Variants in IQSEC1 observed in about 807,000 individuals in gnomAD.
The protein encoded by IQSEC1 is IQ motif and SEC7 domain-containing protein 1.
IQSEC1 carries 31 observed loss-of-function variants against 91.0 expected under a neutral mutation model. The observed-to-expected ratio is 0.34, with a 90% CI of 0.26 to 0.46. IQSEC1 has a LOEUF of 0.46. Among genes scored for constraint, IQSEC1 ranks in the 20% least tolerant of loss-of-function variants. The pLI, the probability that IQSEC1 is intolerant of heterozygous loss-of-function variation, is 1.00. For synonymous variants in IQSEC1, 699 were observed against 662.6 expected, an observed-to-expected ratio of 1.05 and a Z score of -0.84; for missense variants, 1,388 against 1,575.6, an observed-to-expected ratio of 0.88 and a Z score of 2.02.
chr3:13,150,440 C>G (rs1326690826), intron 2 of IQSEC1, among the ~76,000 whole-genome samples: 1 of 152,196 alleles, frequency 6.6e-6, no homozygotes. Flanking sequence ...GTTCCAAACC[C>G]ATCTTTCTAG....
In IQSEC1 at chr3:13,181,076, C is replaced by G. The variant is rs556931702; in HGVS notation, c.273-16943G>C. On this transcript the variant is annotated intron_variant, in intron 1 of 15. Coordinates refer to the IQSEC1 transcript ENST00000648114. ...CATGAGGTCAGGAGATTCAGACCAT[C>G]GTGGCTAACGCGGTGAAACCCCGTC... Among the ~76,000 whole-genome samples the G allele has an allele frequency of 5.1e-4, 78 of 152,096 alleles. 1 individual carries two copies. The highest frequency in any genetic ancestry group is 2.0e-4 in the Admixed American group (3 of 15,264).
intron 1 of IQSEC1, among the ~76,000 whole-genome samples, chr3:13,017,706 G>T (rs951443194): frequency 6.6e-6 from 1 of 152,186 alleles, no homozygotes; most frequent in Non-Finnish European, 1.5e-5. Context: ...TGCAGGGAGA[G>T]GGGGCGGCAG....
chr3:13,260,314 C>G (rs1049794839), intron 1 of IQSEC1, among the ~76,000 whole-genome samples: 1 of 152,224 alleles, frequency 6.6e-6, no homozygotes, highest in Non-Finnish European at 1.5e-5. Flanking sequence ...GGTTGCCTAA[C>G]TCCCAGGTTG....
In IQSEC1 at chr3:12,936,251, C is replaced by T. The variant is rs757391961; in HGVS notation, c.765G>A (p.Pro255=). 25 of 1,613,266 alleles carry T rather than the reference C, an allele frequency of 1.5e-5. No individual in the cohort carries two copies. Among genetic ancestry groups the T allele is most frequent in the South Asian group, 2.2e-5 (2 of 91,070 alleles). Residue 255 remains proline (P), a synonymous_variant, in exon 3 of 14, where the codon CCG becomes CCA. Transcript: ENST00000613206. ...CCCGGGCCCGCGCCGCATCCAGGGC[C>T]GGTGCCTCCTCAGTGTGCAGGCTGC... ...NCRSLHTEEA[P]ALDAARARDT...
chr3:12,948,050 T>G (rs1388311144), intron 1 of IQSEC1, among the ~76,000 whole-genome samples: 1 of 152,226 alleles, frequency 6.6e-6, no homozygotes, highest in East Asian at 1.9e-4. Flanking sequence ...CTGGGTGGAA[T>G]TCTAGCTCTA....
intron 1 of IQSEC1, among the ~76,000 whole-genome samples, chr3:13,062,126 G>A (rs370391152): frequency 4.6e-5 from 7 of 152,280 alleles, no homozygotes; most frequent in South Asian, 4.1e-4. Flanking sequence ...CAGTAATCAC[G>A]GAAATCCCTT....
intron 1 of IQSEC1, among the ~76,000 whole-genome samples, chr3:13,020,804 G>C (rs754560445): frequency 1.7e-4 from 26 of 152,194 alleles, no homozygotes; most frequent in Non-Finnish European, 3.7e-4. Context: ...GAGTAGCTGG[G>C]ACTAGAGACA....
intron 2 of IQSEC1, among the ~76,000 whole-genome samples, chr3:13,093,434 T>C (rs1705901769): frequency 6.6e-6 from 1 of 152,066 alleles, no homozygotes; most frequent in South Asian, 2.1e-4. Flanking sequence ...GGGAGACCAT[T>C]AGGAAGCTTC....
intron 2 of IQSEC1, among the ~76,000 whole-genome samples, chr3:13,150,954 C>T (rs1318455093): frequency 6.6e-6 from 1 of 152,220 alleles, no homozygotes; most frequent in Non-Finnish European, 1.5e-5. Context: ...GGCCAGGGAG[C>T]TCTTCTCCCT....
rs575977245 is a variant in IQSEC1, at chr3:12,951,802, G to A, written c.24-9937C>T. Among the ~76,000 whole-genome samples the A allele has an allele frequency of 2.6e-4, 39 of 152,232 alleles. No individual in the cohort carries two copies. In the South Asian group the frequency reaches 5.6e-3, roughly 22 times the overall value. Reference sequence around the variant, plus strand: ...GGTGGTGAGGAGGAGGGGTGAGGTCGCAGCACCCCCAGTGGAAACCTAGGG... The same window carrying A: ...GGTGGTGAGGAGGAGGGGTGAGGTCACAGCACCCCCAGTGGAAACCTAGGG... On this transcript the variant is annotated intron_variant, in intron 1 of 13. Transcript: ENST00000613206.
At chr3:13,109,978 G>T (rs928464457) in intron 2 of IQSEC1, among the ~76,000 whole-genome samples, 1 of 150,620 alleles carries the variant, frequency 6.6e-6, no homozygotes, top group Non-Finnish European at 1.5e-5. Flanking sequence ...CACCTCCCAG[G>T]TTCAAGCGAT....
At chr3:12,941,023 G>A (rs543128353) in intron 2 of IQSEC1, among the ~76,000 whole-genome samples, 1 of 152,346 alleles carries the variant, frequency 6.6e-6, no homozygotes, top group South Asian at 2.1e-4. Flanking sequence ...AGTCTTCAAT[G>A]AGGGGATTTC....
At chr3:13,267,986 C>G (rs563114583) in intron 1 of IQSEC1, among the ~76,000 whole-genome samples, 14 of 152,366 alleles carry the variant, frequency 9.2e-5, no homozygotes, top group African/African-American at 3.1e-4. Context: ...GATCCACCCA[C>G]ATCCTCAGTC....
chr3:13,012,957 G>A (rs1702951095), intron 1 of IQSEC1, among the ~76,000 whole-genome samples: 1 of 57,822 alleles, frequency 1.7e-5, no homozygotes, highest in Admixed American at 1.4e-4. Context: ...TCCCATGAAA[G>A]TCTGGGCTTT....
At chr3:12,945,496 T>G (rs897131089) in intron 1 of IQSEC1, among the ~76,000 whole-genome samples, 5 of 145,838 alleles carry the variant, frequency 3.4e-5, no homozygotes, top group Non-Finnish European at 7.5e-5. Flanking sequence ...TTGAATAGCA[T>G]CAGCTTGTGC....
intron 1 of IQSEC1, among the ~76,000 whole-genome samples, chr3:13,181,287 A>T (rs1475026997): frequency 6.6e-6 from 1 of 150,808 alleles, no homozygotes; most frequent in Non-Finnish European, 1.5e-5. Context: ...ACAAACAAAC[A>T]AACAAACAAA....
In IQSEC1 at chr3:12,940,724, C is replaced by T. The variant is rs73027101; in HGVS notation, c.318+847G>A. On this transcript the variant is annotated intron_variant, in intron 2 of 13. Coordinates refer to ENST00000613206, the MANE Select transcript of IQSEC1 (RefSeq NM_001134382.3). This position sits in a 1 kb window ranked among gnomAD's most constrained non-coding sequence, Gnocchi z 4.4. ...TCTCTTGAAGCCTCAAACTGCTAAG[C>T]GGCTTGTCCATGCACTGGCCCACTC... 0.033 allele frequency among the ~76,000 whole-genome samples: 5,051 copies of T among 152,274 alleles called. 112 individuals carry two copies. The highest frequency in any genetic ancestry group is 0.054 in the Non-Finnish European group (3,683 of 67,994).
chr3:13,258,970 C>T (rs1695336933), intron 1 of IQSEC1, among the ~76,000 whole-genome samples: 1 of 152,212 alleles, frequency 6.6e-6, no homozygotes, highest in Non-Finnish European at 1.5e-5. Context: ...CCATCCCCTT[C>T]CCTGGCCCAA....
chr3:13,078,838 G>C (rs1705603218), intron 2 of IQSEC1, among the ~76,000 whole-genome samples: 1 of 152,190 alleles, frequency 6.6e-6, no homozygotes, highest in Admixed American at 6.5e-5. Context: ...TCCAAGCCTG[G>C]CGTACCTTGT....
Sources: allele counts gnomAD v4.1 joint callset (sites outside exome capture counted in the v4.1 genomes callset), GRCh38; gene constraint gnomAD v4.1.1; non-coding constraint Gnocchi (gnomAD v3.1); transcripts MANE v1.5; gene names NCBI Gene and HGNC (gene_info 2026-07-23, HGNC 2026-07-21).